The following ASIP variants were observed in gnomAD, a reference collection of about 807,000 sequenced individuals.
ASIP encodes the protein agouti-signaling protein.
A neutral mutation model predicts 10.3 loss-of-function variants in ASIP; 11 were observed. The observed-to-expected ratio is 1.07, with a 90% CI of 0.68 to 1.78. The LOEUF (loss-of-function observed/expected upper bound fraction) is 1.78, where lower values mean the gene tolerates loss of function less well. Ranked by LOEUF, ASIP falls within the 40% of genes most tolerant of loss-of-function variation. The pLI, the probability that ASIP is intolerant of heterozygous loss-of-function variation, is 0.00. For missense variants in ASIP, 180 were observed against 169.2 expected (o/e 1.06, Z -0.35); for synonymous variants, 70 against 70.8 (o/e 0.99, Z 0.06).
intron 1 of ASIP, among the ~76,000 whole-genome samples, chr20:34,206,164 T>G (rs1254696280): frequency 1.3e-5 from 2 of 152,082 alleles, no homozygotes; most frequent in Non-Finnish European, 2.9e-5. Context: ...AGATAATTTT[T>G]TTTTGTATTT....
chr20:34,202,609 T>C (rs1288174080), intron 1 of ASIP, among the ~76,000 whole-genome samples: 2 of 152,146 alleles, frequency 1.3e-5, no homozygotes, highest in Non-Finnish European at 2.9e-5. Flanking sequence ...TTCCCACTTT[T>C]ATTATTAATC....
At chr20:34,259,143 G>A (rs1348938024) in intron 1 of ASIP, among the ~76,000 whole-genome samples, 1 of 151,812 alleles carries the variant, frequency 6.6e-6, no homozygotes, top group Non-Finnish European at 1.5e-5. Context: ...CTGGGAGGTT[G>A]AGACTGCAGT....
At chr20:34,222,540 C>G (rs2035054883) in intron 1 of ASIP, among the ~76,000 whole-genome samples, 1 of 152,130 alleles carries the variant, frequency 6.6e-6, no homozygotes, top group South Asian at 2.1e-4. Flanking sequence ...TTTTCAGGCC[C>G]TAGATTCTAA....
upstream of ASIP, among the ~76,000 whole-genome samples, chr20:34,193,250 A>G (rs982976018): frequency 1.3e-5 from 2 of 152,156 alleles, no homozygotes; most frequent in African/African-American, 4.8e-5. Context: ...CATTTCTACA[A>G]CCTCTTTAAA....
intron 1 of ASIP, among the ~76,000 whole-genome samples, chr20:34,247,181 T>C (rs537882766): frequency 7.8e-4 from 118 of 152,072 alleles, no homozygotes; most frequent in Non-Finnish European, 1.5e-3. Flanking sequence ...TATATGCCTC[T>C]CTCCTAAATA....
chr20:34,218,006 G>A (rs1454543941), intron 1 of ASIP, among the ~76,000 whole-genome samples: 1 of 152,158 alleles, frequency 6.6e-6, no homozygotes. Context: ...AATTCTCACT[G>A]CTTTTGTAGC....
chr20:34,206,392 C>G (rs1037936836), intron 1 of ASIP, among the ~76,000 whole-genome samples: 2 of 152,168 alleles, frequency 1.3e-5, no homozygotes, highest in Admixed American at 1.3e-4. Context: ...CATTCACTAC[C>G]TTTCTGATAT....
intron 1 of ASIP, among the ~76,000 whole-genome samples, chr20:34,231,867 T>C (rs1044816231): frequency 6.6e-6 from 1 of 152,254 alleles, no homozygotes. Flanking sequence ...GGCAAGGACA[T>C]TGAGTAATGG....
chr20:34,260,632 G>C (rs894313568), intron 2 of ASIP, 98 bp downstream of exon 2: 1 of 1,321,660 alleles, frequency 7.6e-7, no homozygotes, highest in African/African-American at 1.5e-5. Flanking sequence ...CCATGGTCAC[G>C]GCTCCTTCTT....
intron 1 of ASIP, among the ~76,000 whole-genome samples, chr20:34,258,724 AATAT>A (rs1405131650): frequency 4.0e-5 from 2 of 50,586 alleles, no homozygotes; most frequent in Non-Finnish European, 8.5e-5. Flanking sequence ...TATATTATAA[AATAT>A]ATATAGTATA....
chr20:34,258,792 GTA>G (rs2035634598), intron 1 of ASIP, among the ~76,000 whole-genome samples: 1 of 103,302 alleles, frequency 9.7e-6, no homozygotes, highest in South Asian at 2.7e-4. Context: ...TATATATAGT[GTA>G]TATATAATAT....
At chr20:34,235,987 AGAAG>A (rs2035200738) in intron 1 of ASIP, among the ~76,000 whole-genome samples, 1 of 86,034 alleles carries the variant, frequency 1.2e-5, no homozygotes, top group Non-Finnish European at 1.9e-5. Context: ...GAAGAAGGAA[AGAAG>A]GAAGGAAGGA....
intron 1 of ASIP, among the ~76,000 whole-genome samples, chr20:34,256,945 TA>T (rs1332504129): frequency 6.6e-6 from 1 of 152,112 alleles, no homozygotes; most frequent in Non-Finnish European, 1.5e-5. Flanking sequence ...CACTCCCTGC[TA>T]AGAGCCTTTT....
At chr20:34,235,805 GA>G (rs1165992692) in intron 1 of ASIP, among the ~76,000 whole-genome samples, 2 of 54,034 alleles carry the variant, frequency 3.7e-5, no homozygotes, top group African/African-American at 4.3e-4. Flanking sequence ...AAGAAAGAAA[GA>G]AAGAAAGAAA....
intron 1 of ASIP, among the ~76,000 whole-genome samples, chr20:34,243,828 G>A (rs1220684641): frequency 2.0e-5 from 3 of 151,630 alleles, no homozygotes; most frequent in African/African-American, 7.3e-5. Flanking sequence ...ACTTTGGGAG[G>A]CCGAGGCGGG....
At chr20:34,223,100 T>C (rs2035061444) in intron 1 of ASIP, among the ~76,000 whole-genome samples, 1 of 151,004 alleles carries the variant, frequency 6.6e-6, no homozygotes, top group South Asian at 2.1e-4. Context: ...TCATCTGGGA[T>C]GTGAGGAGCC....
At chr20:34,262,511 T>TG (rs2035710914) in intron 2 of ASIP, among the ~76,000 whole-genome samples, 2 of 152,328 alleles carry the variant, frequency 1.3e-5, no homozygotes, top group South Asian at 2.1e-4. Flanking sequence ...AAGGGGCACC[T>TG]GGGGTGGCTC....
intron 3 of ASIP, among the ~76,000 whole-genome samples, chr20:34,264,383 G>T (rs1241671386): frequency 6.6e-6 from 1 of 152,188 alleles, no homozygotes; most frequent in Non-Finnish European, 1.5e-5. Context: ...TGCACAAGGA[G>T]TCTCACCAGG....
At chr20:34,224,139 C>T (rs1213966148) in intron 1 of ASIP, among the ~76,000 whole-genome samples, 5 of 147,030 alleles carry the variant, frequency 3.4e-5, no homozygotes, top group Admixed American at 2.7e-4. Flanking sequence ...ACTTGTTTAT[C>T]TGCTGACCTT....
Sources: gnomAD v4.1 joint callset for allele counts (sites outside exome capture counted in the v4.1 genomes callset) on GRCh38, gnomAD v4.1.1 for gene constraint, MANE v1.5 for transcripts, NCBI Gene and HGNC (gene_info 2026-07-23, HGNC 2026-07-21) for gene names.